Variants in LMBRD2 observed in about 807,000 individuals in gnomAD.
LMBRD2 encodes the protein LMBR1 domain containing 2.
A neutral mutation model predicts 94.4 loss-of-function variants in LMBRD2; 55 were observed. The observed-to-expected ratio is 0.58, with a 90% CI of 0.47 to 0.73. The LOEUF (loss-of-function observed/expected upper bound fraction) is 0.73, where lower values mean the gene tolerates loss of function less well. LMBRD2 is among the 30% of genes least tolerant of loss of function. LMBRD2 has a pLI of 0.00. For missense variants in LMBRD2, 640 were observed against 831.9 expected (o/e 0.77, Z 2.84); for synonymous variants, 246 against 272.4 (o/e 0.90, Z 0.95).
intron 1 of LMBRD2, among the ~76,000 whole-genome samples, chr5:36,150,043 A>C (rs1015418007): frequency 1.3e-5 from 2 of 152,252 alleles, no homozygotes; most frequent in African/African-American, 4.8e-5. Flanking sequence ...TTACGTTAAA[A>C]AGAATCTAAT....
intron 5 of LMBRD2, 105 bp downstream of exon 5, chr5:36,137,169 A>T (rs1744291246): frequency 1.5e-6 from 1 of 686,374 alleles, no homozygotes; most frequent in Non-Finnish European, 2.3e-6. Context: ...GTAACAATAT[A>T]TTTCTCAATG....
chr5:36,140,432 C>G (rs1188450911), intron 4 of LMBRD2, among the ~76,000 whole-genome samples: 2 of 152,188 alleles, frequency 1.3e-5, no homozygotes. Context: ...GAGTAAAATT[C>G]AGGCAAAGGT....
chr5:36,128,551 T>C (rs1300943525), intron 6 of LMBRD2, among the ~76,000 whole-genome samples: 2 of 152,060 alleles, frequency 1.3e-5, no homozygotes, highest in African/African-American at 4.8e-5. Context: ...TGAAACCCTG[T>C]CACTAGAAGA....
In LMBRD2 at chr5:36,122,977, A is replaced by T; in HGVS notation, c.823-16T>A. ...CTGTAGGGCACTAAAAAAAAAAAAAAGTAGATTTTTAAAAATCTTAATTGT... is the reference window on the plus strand; with the variant it reads ...CTGTAGGGCACTAAAAAAAAAAAAATGTAGATTTTTAAAAATCTTAATTGT... On this transcript the variant is annotated splice_polypyrimidine_tract_variant and intron_variant, in intron 7 of 17. Coordinates refer to ENST00000296603, the MANE Select transcript of LMBRD2 (RefSeq NM_001007527.2). 1 of 1,432,124 alleles carries T rather than the reference A, an allele frequency of 7.0e-7. No homozygotes were observed. The highest frequency in any genetic ancestry group is 2.8e-5 in the Admixed American group (1 of 36,006). 88.7% of individuals were successfully genotyped at this position (1,432,124 alleles called of 1,614,324 possible).
intron 1 of LMBRD2, chr5:36,147,840 A>C: frequency 2.4e-6 from 1 of 418,658 alleles, no homozygotes; most frequent in Non-Finnish European, 4.8e-6. Flanking sequence ...GAACACAAAC[A>C]AAACACTGAC....
In LMBRD2 at chr5:36,104,071, C is replaced by T. The variant is rs1032085373; in HGVS notation, c.2063G>A (p.Arg688His). 7.5e-6 allele frequency: 12 copies of T among 1,609,812 alleles called. No homozygotes were observed. The highest frequency in any genetic ancestry group is 2.2e-5 in the East Asian group (1 of 44,696). ...TTAAACATCATTAAATATGTCACTG[C>T]GAGACATCGAGAGATATCGTCCACC... is the stretch of plus-strand genomic sequence containing the variant. ...QPGGRYLSMS[R>H]SDIFNDV Residue 688 changes from arginine to histidine, a missense_variant, in exon 18 of 18, where the codon CGC becomes CAC. Transcript: ENST00000296603.
chr5:36,107,338 C>T (rs898510159), intron 16 of LMBRD2, among the ~76,000 whole-genome samples: 7 of 152,080 alleles, frequency 4.6e-5, no homozygotes, highest in African/African-American at 1.5e-4. Context: ...ATTTGAGCCA[C>T]CTCTGGGTCT....
At chr5:36,142,477 A>G in intron 3 of LMBRD2, 25 bp downstream of exon 3, 2 of 1,321,766 alleles carry the variant, frequency 1.5e-6, no homozygotes, top group East Asian at 4.6e-5. Flanking sequence ...CAATGTTTAT[A>G]TATTTTTTTT....
chr5:36,103,659 T>C lies in LMBRD2; in HGVS notation c.*387A>G, dbSNP rs1333128116. ...GAAGTAACAAAAATGTAAGTCACAA[T>C]AACAAAACTGTATATAATATTATTT... On this transcript the variant is annotated 3_prime_UTR_variant, in exon 18 of 18. Coordinates refer to ENST00000296603, the MANE Select transcript of LMBRD2 (RefSeq NM_001007527.2). 1 of 153,190 alleles carries C rather than the reference T, an allele frequency of 6.5e-6. No homozygotes were observed. Among genetic ancestry groups the C allele is most frequent in the Non-Finnish European group, 1.5e-5 (1 of 68,466 alleles). 9.5% of individuals were successfully genotyped at this position (153,190 alleles called of 1,614,324 possible). A position where few individuals can be genotyped will look rare whatever the true frequency, so the allele number is the denominator to read the frequency against.
At chr5:36,136,266 T>C (rs1744267485) in intron 6 of LMBRD2, 43 bp downstream of exon 6, 3 of 1,572,156 alleles carry the variant, frequency 1.9e-6, no homozygotes, top group Non-Finnish European at 2.6e-6. Context: ...AGGGGATACA[T>C]ATGACTTAGT....
intron 6 of LMBRD2, among the ~76,000 whole-genome samples, chr5:36,125,692 C>T (rs779735482): frequency 1.3e-5 from 2 of 152,088 alleles, no homozygotes; most frequent in Non-Finnish European, 2.9e-5. Flanking sequence ...AATATGCATA[C>T]TTTATAAATA....
chr5:36,125,022 T>C (rs1388543904), intron 6 of LMBRD2, among the ~76,000 whole-genome samples: 2 of 151,822 alleles, frequency 1.3e-5, no homozygotes, highest in Non-Finnish European at 2.9e-5. Flanking sequence ...AGTACTGTGC[T>C]AGGTGTAAGG....
chr5:36,137,026 T>A (rs1744287941), intron 5 of LMBRD2, among the ~76,000 whole-genome samples: 1 of 152,138 alleles, frequency 6.6e-6, no homozygotes, highest in Non-Finnish European at 1.5e-5. Context: ...TCATAAGGGT[T>A]ATTACTTTTA....
rs1743407835 is a variant in LMBRD2 at position 36,104,051 on chromosome 5, C to T, written c.2083G>A (p.Val695Ile). ...CCCACAAACTTTTTCAGACTTTAAA[C>T]ATCATTAAATATGTCACTGCGAGAC... is the stretch of plus-strand genomic sequence containing the variant. ...SMSRSDIFND[V>I] The change falls in exon 18 of 18, where the codon GTT (valine) becomes ATT (isoleucine). Residue 695 changes from valine (V) to isoleucine (I), a missense_variant. Coordinates refer to ENST00000296603, the MANE Select transcript of LMBRD2 (RefSeq NM_001007527.2). 6.2e-7 allele frequency: 1 copy of T among 1,609,526 alleles called. No individual in the cohort carries two copies. The highest frequency in any genetic ancestry group is 8.5e-7 in the Non-Finnish European group (1 of 1,176,950).
Position 36,136,468 on chromosome 5 carries a change from A to C in LMBRD2, c.588T>G (p.Phe196Leu), listed in dbSNP as rs2111900071. The stretch of plus-strand genomic sequence containing the variant: ...CATACCCCAACAACAACACAAGAAG[A>C]AACAGACCCCATGTATTTGCAGCAG... ...GIAAANTWGL[F>L]LLVLLLGYGL... The change falls in exon 6 of 18, where the codon TTT (phenylalanine) becomes TTG (leucine). Residue 196 changes from phenylalanine (F) to leucine (L), a missense_variant. By Grantham distance (22) the Phe-to-Leu change is conservative (BLOSUM62 0). This residue lies in a region of LMBRD2 where 457 missense variants were observed against 642.8 expected (regional missense o/e 0.71). Coordinates refer to ENST00000296603, the MANE Select transcript of LMBRD2 (RefSeq NM_001007527.2). The C allele has an allele frequency of 6.2e-7, 1 of 1,614,078 alleles. No homozygotes were observed. Among genetic ancestry groups the C allele is most frequent in the East Asian group, 2.2e-5 (1 of 44,880 alleles).
rs555236774 is a variant in LMBRD2 at position 36,105,267 on chromosome 5, G to A, written c.1898-70C>T. The A allele has an allele frequency of 2.8e-5, 39 of 1,388,974 alleles. 1 individual carries two copies. The South Asian group carries it at 4.8e-4, about 17-fold the overall frequency. The allele number at this position is 1,388,974 out of a possible 1,614,324, so 86.0% of individuals were successfully genotyped here. A position where few individuals can be genotyped will look rare whatever the true frequency, so the allele number is the denominator to read the frequency against. ...AACTTATGGGTCACAGTCTATGGAG[G>A]TACAGAAAGAAAAATCAAAATTCCA... is the stretch of plus-strand genomic sequence containing the variant. On this transcript the variant is annotated intron_variant, in intron 16 of 17. Transcript: ENST00000296603.
Position 36,137,420 on chromosome 5 carries a change from C to A in LMBRD2, c.390G>T (p.Gln130His). ...AAAACCCTCCTGATCTTGCATATGA[C>A]TGCATAAAAGGTAAGAGAATCCTAG... ...FLTWILLPFM[Q>H]SYARSGGFSI... is the part of the protein sequence containing the mutation. Residue 130 changes from glutamine (Q) to histidine (H), a missense_variant, in exon 5 of 18, where the codon CAG (glutamine) becomes CAT (histidine). Around this residue, in one of 2 missense-constraint regions of LMBRD2, gnomAD observed 457 missense variants for 642.8 expected, o/e 0.71. Coordinates refer to ENST00000296603, the MANE Select transcript of LMBRD2 (RefSeq NM_001007527.2). The A allele has an allele frequency of 6.3e-7, 1 of 1,580,274 alleles. No homozygotes were observed. Among genetic ancestry groups the A allele is most frequent in the Non-Finnish European group, 8.6e-7 (1 of 1,158,550 alleles).
At chr5:36,142,648 A>C in intron 2 of LMBRD2, 49 bp from the exon 3 acceptor site, 1 of 1,021,042 alleles carries the variant, frequency 9.8e-7, no homozygotes, top group Non-Finnish European at 1.6e-6. Flanking sequence ...AAGGTTACCA[A>C]GTACTTAAAG....
intron 1 of LMBRD2, among the ~76,000 whole-genome samples, chr5:36,150,485 C>G (rs1744666161): frequency 6.6e-6 from 1 of 152,162 alleles, no homozygotes; most frequent in Non-Finnish European, 1.5e-5. Context: ...GTTTTGTTCC[C>G]TTTCCTGAAG....
Sources: allele counts gnomAD v4.1 joint callset (sites outside exome capture counted in the v4.1 genomes callset), GRCh38; gene constraint gnomAD v4.1.1; regional missense constraint gnomAD v4.1.1; transcripts MANE v1.5; gene names NCBI Gene and HGNC (gene_info 2026-07-23, HGNC 2026-07-21).